Variants in CLDN23 observed in about 807,000 individuals in gnomAD.
CLDN23 encodes the protein claudin 23.
CLDN23 carries 3 observed loss-of-function variants against 1.4 expected under a neutral mutation model. The ratio of observed to expected loss-of-function variants is 2.10; its 90% CI spans 0.96 to 5.43. The LOEUF (loss-of-function observed/expected upper bound fraction) is 5.43. CLDN23 is among the 30% of genes most tolerant of loss of function. The probability of loss-of-function intolerance (pLI) is 0.02; values close to 1 mark genes in which losing one functional copy is unlikely to be tolerated. For missense variants in CLDN23, 597 were observed against 433.5 expected (o/e 1.38, Z -3.35); for synonymous variants, 291 against 209.9 (o/e 1.39, Z -3.34).
Position 8,703,911 on chromosome 8 carries a change from G to A in CLDN23, c.*634G>A, listed in dbSNP as rs900055872. The A allele has an allele frequency of 1.2e-5, 2 of 167,024 alleles. No individual in the cohort carries two copies. Among genetic ancestry groups the A allele is most frequent in the Admixed American group, 1.3e-4 (2 of 15,278 alleles). The allele number at this position is 167,024 out of a possible 1,614,324, so 10.3% of individuals were successfully genotyped here. A position where few individuals can be genotyped will look rare whatever the true frequency, so the allele number is the denominator to read the frequency against. Reference sequence around the variant, plus strand: ...TGCGGTGAAAGTCGAGGGCATGCAAGAGTTTCTCTTCCAGAAGCCAAGAGG... The same window carrying A: ...TGCGGTGAAAGTCGAGGGCATGCAAAAGTTTCTCTTCCAGAAGCCAAGAGG... On this transcript the variant is annotated 3_prime_UTR_variant, in exon 1 of 1. Transcript: ENST00000519106.
rs754730488 is a variant in CLDN23 at position 8,703,114 on chromosome 8, C to T, written c.716C>T (p.Pro239Leu). The change falls in exon 1 of 1, where the codon CCC (proline) becomes CTC (leucine). Residue 239 changes from proline to leucine, a missense_variant. By Grantham distance (98) the Pro-to-Leu change is moderately conservative. Transcript: ENST00000519106. ...CCGCCGCCTGCCCAGCACCGCAAGC[C>T]CAAGCCCAAGCCCAAGGTCGGCTTC... ...HRPPPAQHRK[P>L]KPKPKVGFPM... 2.7e-5 allele frequency: 42 copies of T among 1,536,942 alleles called. No homozygotes were observed. Among genetic ancestry groups the T allele is most frequent in the Non-Finnish European group, 3.5e-5 (40 of 1,148,158 alleles).
rs990353905 is a variant in CLDN23, at chr8:8,702,517, C to T, written c.119C>T (p.Pro40Leu). The T allele has an allele frequency of 5.0e-6, 8 of 1,611,172 alleles. No homozygotes were observed. In the African/African-American group the frequency reaches 5.3e-5, roughly 11 times the overall value. The change falls in exon 1 of 1, where the codon CCA becomes CTA. Residue 40 changes from proline (P) to leucine (L), a missense_variant. Coordinates refer to ENST00000519106, the MANE Select transcript of CLDN23 (RefSeq NM_194284.3). ...WRLVKGFLNQ[P>L]VDVELYQGLW... ...CTGGTGAAGGGCTTCCTGAACCAGC[C>T]AGTGGACGTGGAGTTGTACCAGGGC...
Position 8,703,319 on chromosome 8 carries a change from AC to A in CLDN23, c.*47del. ...GGGGGCGCCGGGTGGCAAAGGACTC[AC>A]CCCCGCACAGGCCCGCCTGGCTTCG... On this transcript the variant is annotated 3_prime_UTR_variant, in exon 1 of 1. Transcript: ENST00000519106. 7.6e-7 allele frequency: 1 copy of A among 1,323,240 alleles called. No homozygotes were observed. The highest frequency in any genetic ancestry group is 9.7e-7 in the Non-Finnish European group (1 of 1,030,010). 82.0% of individuals were successfully genotyped at this position (1,323,240 alleles called of 1,614,324 possible).
chr8:8,703,815 G>T lies in CLDN23; in HGVS notation c.*538G>T, dbSNP rs1394559331. 6.0e-6 allele frequency: 1 copy of T among 167,088 alleles called. No individual in the cohort carries two copies. The highest frequency in any genetic ancestry group is 2.4e-5 in the African/African-American group (1 of 41,426). The allele number at this position is 167,088 out of a possible 1,614,324, so 10.4% of individuals were successfully genotyped here. On this transcript the variant is annotated 3_prime_UTR_variant, in exon 1 of 1. Coordinates refer to ENST00000519106, the MANE Select transcript of CLDN23 (RefSeq NM_194284.3). Reference sequence around the variant, plus strand: ...AGCAGCTTAATGGATTTCATGGAATGAAATACCGTGATTAACTCATAGCTA... The same window carrying T: ...AGCAGCTTAATGGATTTCATGGAATTAAATACCGTGATTAACTCATAGCTA...
chr8:8,703,906 T>G lies in CLDN23; in HGVS notation c.*629T>G. 6.0e-6 allele frequency: 1 copy of G among 167,210 alleles called. No homozygotes were observed. The allele number at this position is 167,210 out of a possible 1,614,324, so 10.4% of individuals were successfully genotyped here. On this transcript the variant is annotated 3_prime_UTR_variant, in exon 1 of 1. Transcript: ENST00000519106. ...ATTTTTGCGGTGAAAGTCGAGGGCA[T>G]GCAAGAGTTTCTCTTCCAGAAGCCA...
In CLDN23 at chr8:8,702,333, GGCGGAGAAGGCGACA is replaced by G. The variant is rs1165954323; in HGVS notation, c.-55_-41del. 3.4e-5 allele frequency: 49 copies of G among 1,449,230 alleles called. No individual in the cohort carries two copies. The highest frequency in any genetic ancestry group is 1.2e-4 in the East Asian group (5 of 40,132). 89.8% of individuals were successfully genotyped at this position (1,449,230 alleles called of 1,614,324 possible). On this transcript the variant is annotated 5_prime_UTR_variant, in exon 1 of 1. Coordinates refer to ENST00000519106, the MANE Select transcript of CLDN23 (RefSeq NM_194284.3). Reference sequence around the variant, plus strand: ...TGGGGCACGGCAGGGAGAAGACGACGGCGGAGAAGGCGACAGCGGAGAAGGAAGGCAGGCTGCAGG... The same window carrying G: ...TGGGGCACGGCAGGGAGAAGACGACGGCGGAGAAGGAAGGCAGGCTGCAGG...
Position 8,703,475 on chromosome 8 carries a change from C to T in CLDN23, c.*198C>T, listed in dbSNP as rs1482504220. On this transcript the variant is annotated 3_prime_UTR_variant, in exon 1 of 1. Coordinates refer to ENST00000519106, the MANE Select transcript of CLDN23 (RefSeq NM_194284.3). ...TCTTCTTAAAGAGTTTAGTTTTCCT[C>T]TCCAGAGGGATCAGGGTCCTCTTAG... 2 of 464,516 alleles carry T rather than the reference C, an allele frequency of 4.3e-6. No individual in the cohort carries two copies. The highest frequency in any genetic ancestry group is 4.0e-5 in the African/African-American group (2 of 49,676). 28.8% of individuals were successfully genotyped at this position (464,516 alleles called of 1,614,324 possible). A position where few individuals can be genotyped will look rare whatever the true frequency, so the allele number is the denominator to read the frequency against.
rs1802777685 is a variant in CLDN23 at position 8,702,763 on chromosome 8, T to G, written c.365T>G (p.Phe122Cys). The G allele has an allele frequency of 1.2e-6, 2 of 1,610,280 alleles. No individual in the cohort carries two copies. The highest frequency in any genetic ancestry group is 2.2e-5 in the South Asian group (2 of 91,050). The change falls in exon 1 of 1, where the codon TTC becomes TGC. Residue 122 changes from phenylalanine (F) to cysteine (C), a missense_variant. Coordinates refer to ENST00000519106, the MANE Select transcript of CLDN23 (RefSeq NM_194284.3). ...VLAGLSGVVL[F>C]VAGLLGLIPV... ...GCAGGGCTCTCGGGCGTCGTGCTCT[T>G]CGTCGCTGGCCTCCTCGGCCTCATC...
Position 8,703,034 on chromosome 8 carries a change from GC to G in CLDN23, c.639del (p.Glu214SerfsTer83). The G allele has an allele frequency of 6.5e-7, 1 of 1,535,922 alleles. No individual in the cohort carries two copies. The highest frequency in any genetic ancestry group is 8.7e-7 in the Non-Finnish European group (1 of 1,147,102). On this transcript the variant is annotated frameshift_variant, in exon 1 of 1. Transcript: ENST00000519106. LOFTEE classifies it low-confidence loss of function (END_TRUNC). The part of the protein sequence containing the change: ...SSVSTIQVEW[P>X]EPDLAPAIKY... ...GCGTCAGCACCATCCAAGTGGAGTG[GC>G]CCGAGCCCGACCTGGCGCCCGCCAT...
chr8:8,703,041 C>G lies in CLDN23; in HGVS notation c.643C>G (p.Pro215Ala), dbSNP rs759220986. 2.6e-6 allele frequency: 4 copies of G among 1,530,488 alleles called. No individual in the cohort carries two copies. The highest frequency in any genetic ancestry group is 4.8e-5 in the East Asian group (2 of 41,566). The allele number at this position is 1,530,488 out of a possible 1,614,324, so 94.8% of individuals were successfully genotyped here. The change falls in exon 1 of 1, where the codon CCC becomes GCC. Residue 215 changes from proline to alanine, a missense_variant. By Grantham distance (27) the Pro-to-Ala change is conservative (BLOSUM62 -1). Coordinates refer to ENST00000519106, the MANE Select transcript of CLDN23 (RefSeq NM_194284.3). The part of the protein sequence containing the change: ...VSTIQVEWPE[P>A]DLAPAIKYYS... ...CACCATCCAAGTGGAGTGGCCCGAG[C>G]CCGACCTGGCGCCCGCCATCAAGTA...
rs780587269 is a variant in CLDN23 at position 8,702,957 on chromosome 8, G to GAGCGTT, written c.560_565dup (p.Arg188_Cys189insTer). 3.0e-5 allele frequency: 47 copies of GAGCGTT among 1,565,136 alleles called. No individual in the cohort carries two copies. The South Asian group carries it at 4.9e-4, about 16-fold the overall frequency. On this transcript the variant is annotated stop_gained and inframe_insertion, in exon 1 of 1. Coordinates refer to ENST00000519106, the MANE Select transcript of CLDN23 (RefSeq NM_194284.3). LOFTEE classifies it low-confidence loss of function (END_TRUNC). ...GCTCAGCTTCGCGCCCTGGTGCGAC[G>GAGCGTT]AGCGTTGTCGCCGCCGCCGCAAGGG...
In CLDN23 at chr8:8,702,849, C is replaced by G; in HGVS notation, c.451C>G (p.Pro151Ala). 1 of 1,605,484 alleles carries G rather than the reference C, an allele frequency of 6.2e-7. No individual in the cohort carries two copies. Among genetic ancestry groups the G allele is most frequent in the East Asian group, 2.2e-5 (1 of 44,750 alleles). Residue 151 changes from proline (P) to alanine (A), a missense_variant, in exon 1 of 1, where the codon CCG (proline) becomes GCG (alanine). Physicochemically the swap from Pro to Ala is conservative, Grantham distance 27. Coordinates refer to ENST00000519106, the MANE Select transcript of CLDN23 (RefSeq NM_194284.3). ...CGACGTGCTGCCCGCCCCGGCCAGC[C>G]CGGTCACGGTGCAGGTCAGCTACAG... The part of the protein sequence containing the change: ...DRDVLPAPAS[P>A]VTVQVSYSLV...
chr8:8,703,292 T>G lies in CLDN23; in HGVS notation c.*15T>G. The G allele has an allele frequency of 7.3e-7, 1 of 1,365,056 alleles. No homozygotes were observed. The highest frequency in any genetic ancestry group is 9.5e-7 in the Non-Finnish European group (1 of 1,053,896). The allele number at this position is 1,365,056 out of a possible 1,614,324, so 84.6% of individuals were successfully genotyped here. A position where few individuals can be genotyped will look rare whatever the true frequency, so the allele number is the denominator to read the frequency against. The stretch of plus-strand genomic sequence containing the variant: ...CCGACCTCTAGACGCTTGTAGAGCC[T>G]GGGGGGCGCCGGGTGGCAAAGGACT... On this transcript the variant is annotated 3_prime_UTR_variant, in exon 1 of 1. Coordinates refer to ENST00000519106, the MANE Select transcript of CLDN23 (RefSeq NM_194284.3).
At position 8,703,671 on chromosome 8, in the gene CLDN23, G is replaced by A. The variant is rs935265852; in HGVS notation, c.*394G>A. The stretch of plus-strand genomic sequence containing the variant: ...GAATCTTGCATCAATATAATTATTG[G>A]GTTTTTTTTCTTTTTCCTGCTGTAT... On this transcript the variant is annotated 3_prime_UTR_variant, in exon 1 of 1. Transcript: ENST00000519106. 1 of 178,812 alleles carries A rather than the reference G, an allele frequency of 5.6e-6. No homozygotes were observed. Among genetic ancestry groups the A allele is most frequent in the Non-Finnish European group, 1.3e-5 (1 of 76,454 alleles). 11.1% of individuals were successfully genotyped at this position (178,812 alleles called of 1,614,324 possible).
chr8:8,702,354 G>A lies in CLDN23; in HGVS notation c.-45G>A, dbSNP rs1165060878. ...CGACGGCGGAGAAGGCGACAGCGGA[G>A]AAGGAAGGCAGGCTGCAGGGGCGCC... is the stretch of plus-strand genomic sequence containing the variant. On this transcript the variant is annotated 5_prime_UTR_variant, in exon 1 of 1. Transcript: ENST00000519106. 5 of 1,473,450 alleles carry A rather than the reference G, an allele frequency of 3.4e-6. No homozygotes were observed. Among genetic ancestry groups the A allele is most frequent in the African/African-American group, 2.9e-5 (2 of 68,556 alleles). The allele number at this position is 1,473,450 out of a possible 1,614,324, so 91.3% of individuals were successfully genotyped here. A position where few individuals can be genotyped will look rare whatever the true frequency, so the allele number is the denominator to read the frequency against.
rs560668302 is a variant in CLDN23, at chr8:8,702,385, C to A, written c.-14C>A. 6.8e-7 allele frequency: 1 copy of A among 1,479,748 alleles called. No homozygotes were observed. The highest frequency in any genetic ancestry group is 1.4e-5 in the South Asian group (1 of 71,818). 91.7% of individuals were successfully genotyped at this position (1,479,748 alleles called of 1,614,324 possible). A position where few individuals can be genotyped will look rare whatever the true frequency, so the allele number is the denominator to read the frequency against. ...AGGCAGGCTGCAGGGGCGCCGTCGG[C>A]GCGGCGGGCCGGGATGCGGACGCCG... On this transcript the variant is annotated 5_prime_UTR_variant, in exon 1 of 1. Coordinates refer to ENST00000519106, the MANE Select transcript of CLDN23 (RefSeq NM_194284.3).
rs1262808817 is a variant in CLDN23, at chr8:8,703,467, G to C, written c.*190G>C. On this transcript the variant is annotated 3_prime_UTR_variant, in exon 1 of 1. Transcript: ENST00000519106. Reference sequence around the variant, plus strand: ...TTTGGTTTTCTTCTTAAAGAGTTTAGTTTTCCTCTCCAGAGGGATCAGGGT... The same window carrying C: ...TTTGGTTTTCTTCTTAAAGAGTTTACTTTTCCTCTCCAGAGGGATCAGGGT... 1 of 497,114 alleles carries C rather than the reference G, an allele frequency of 2.0e-6. No homozygotes were observed. The highest frequency in any genetic ancestry group is 3.3e-6 in the Non-Finnish European group (1 of 302,850). The allele number at this position is 497,114 out of a possible 1,614,324, so 30.8% of individuals were successfully genotyped here.
Position 8,702,383 on chromosome 8 carries a change from G to A in CLDN23, c.-16G>A, listed in dbSNP as rs766103870. 1 of 1,481,480 alleles carries A rather than the reference G, an allele frequency of 6.8e-7. No homozygotes were observed. The highest frequency in any genetic ancestry group is 8.9e-7 in the Non-Finnish European group (1 of 1,120,954). The allele number at this position is 1,481,480 out of a possible 1,614,324, so 91.8% of individuals were successfully genotyped here. A position where few individuals can be genotyped will look rare whatever the true frequency, so the allele number is the denominator to read the frequency against. Reference sequence around the variant, plus strand: ...GAAGGCAGGCTGCAGGGGCGCCGTCGGCGCGGCGGGCCGGGATGCGGACGC... The same window carrying A: ...GAAGGCAGGCTGCAGGGGCGCCGTCAGCGCGGCGGGCCGGGATGCGGACGC... On this transcript the variant is annotated 5_prime_UTR_variant, in exon 1 of 1. Coordinates refer to ENST00000519106, the MANE Select transcript of CLDN23 (RefSeq NM_194284.3).
rs370158322 is a variant in CLDN23 at position 8,702,645 on chromosome 8, C to G, written c.247C>G (p.Leu83Val). 1.2e-6 allele frequency: 2 copies of G among 1,604,888 alleles called. No individual in the cohort carries two copies. Among genetic ancestry groups the G allele is most frequent in the Non-Finnish European group, 1.7e-6 (2 of 1,177,378 alleles). Reference sequence around the variant, plus strand: ...CCAGCCCGTGCTGGTGGCGCGGGCACTCATGGTCACCTCGCTGGCCGCCAC... The same window carrying G: ...CCAGCCCGTGCTGGTGGCGCGGGCAGTCATGGTCACCTCGCTGGCCGCCAC... ...EAQPVLVARA[L>V]MVTSLAATVL... The change falls in exon 1 of 1, where the codon CTC (leucine) becomes GTC (valine). Residue 83 changes from leucine to valine, a missense_variant. By Grantham distance (32) the Leu-to-Val change is conservative. Coordinates refer to ENST00000519106, the MANE Select transcript of CLDN23 (RefSeq NM_194284.3).
Sources: allele counts gnomAD v4.1 joint callset, GRCh38; gene constraint gnomAD v4.1.1; transcripts MANE v1.5; gene names NCBI Gene and HGNC (gene_info 2026-07-23, HGNC 2026-07-21).